DACH2: variants seen among roughly 807,000 people sequenced by gnomAD.
The protein encoded by DACH2 is dachshund family transcription factor 2.
DACH2 carries 17 observed loss-of-function variants against 35.8 expected under a neutral mutation model. The ratio of observed to expected loss-of-function variants is 0.48; its 90% CI spans 0.33 to 0.71. The LOEUF (loss-of-function observed/expected upper bound fraction) is 0.71. Ranked by LOEUF, DACH2 falls within the 30% of genes least tolerant of loss-of-function variation. The pLI, the probability that DACH2 is intolerant of heterozygous loss-of-function variation, is 0.02. For missense variants in DACH2, 469 were observed against 472.7 expected, an observed-to-expected ratio of 0.99 and a Z score of 0.07; for synonymous variants, 195 against 177.3, an observed-to-expected ratio of 1.10 and a Z score of -0.79.
At chrX:86,624,065 A>AC (rs2040103906) in intron 3 of DACH2, among the ~76,000 whole-genome samples, 1 of 104,518 alleles carries the variant, frequency 9.6e-6, no homozygotes, top group Non-Finnish European at 2.0e-5. Flanking sequence ...CAAAACAAAA[A>AC]AAAAAAAAAA....
chrX:86,660,544 G>A (rs756493353), intron 4 of DACH2, among the ~76,000 whole-genome samples: 1 of 111,794 alleles, frequency 8.9e-6, no homozygotes, highest in South Asian at 3.7e-4. Context: ...GGATACTATT[G>A]TCATATCTAT....
chrX:86,523,688 T>C (rs1197801836), intron 3 of DACH2, among the ~76,000 whole-genome samples: 1 of 110,136 alleles, frequency 9.1e-6, no homozygotes, highest in African/African-American at 3.3e-5. Context: ...TTTCATGTGC[T>C]GATCCTGTCT....
At chrX:86,519,411 G>T (rs1409547434) in intron 3 of DACH2, among the ~76,000 whole-genome samples, 2 of 111,931 alleles carry the variant, frequency 1.8e-5, no homozygotes, top group Non-Finnish European at 3.8e-5. Context: ...TGGCCTCATA[G>T]AATGAGTTAG....
chrX:86,621,739 C>A (rs6623738), intron 3 of DACH2, among the ~76,000 whole-genome samples: 49,434 of 109,882 alleles, frequency 0.45, 9,174 homozygotes, highest in East Asian at 0.77. Flanking sequence ...CAAATAAGAT[C>A]ATGTATTTGA....
At chrX:86,598,950 C>A (rs2039749032) in intron 3 of DACH2, among the ~76,000 whole-genome samples, 1 of 110,162 alleles carries the variant, frequency 9.1e-6, no homozygotes, top group South Asian at 3.9e-4. Flanking sequence ...CTATCCCTCG[C>A]CCCTCCCGCC....
At chrX:86,803,499 G>A (rs2042314175) in intron 7 of DACH2, among the ~76,000 whole-genome samples, 1 of 110,688 alleles carries the variant, frequency 9.0e-6, no homozygotes, top group African/African-American at 3.3e-5. Context: ...CCACATATTT[G>A]TAAATAAATA....
intron 2 of DACH2, among the ~76,000 whole-genome samples, chrX:86,512,247 A>G (rs766095545): frequency 9.0e-6 from 1 of 111,039 alleles, no homozygotes; most frequent in African/African-American, 3.3e-5. Flanking sequence ...CCTGGATTTT[A>G]TAACATGGGG....
intron 3 of DACH2, among the ~76,000 whole-genome samples, chrX:86,648,909 G>T (rs1356306403): frequency 5.4e-5 from 6 of 110,828 alleles, no homozygotes; most frequent in Admixed American, 9.6e-5. Context: ...AACAAAAAAT[G>T]CATGACCATA....
At chrX:86,295,154 GTAT>G (rs897839849) in intron 1 of DACH2, among the ~76,000 whole-genome samples, 5 of 112,778 alleles carry the variant, frequency 4.4e-5, no homozygotes, top group African/African-American at 1.6e-4. Flanking sequence ...GAAAAGCACA[GTAT>G]TCGGGTGGGA....
chrX:86,586,241 C>T (rs1315779838), intron 3 of DACH2, among the ~76,000 whole-genome samples: 1 of 111,395 alleles, frequency 9.0e-6, no homozygotes, highest in African/African-American at 3.3e-5. Context: ...ATTTCCTTTG[C>T]CCACTTTTTA....
intron 3 of DACH2, among the ~76,000 whole-genome samples, chrX:86,537,702 C>T (rs2038823028): frequency 9.0e-6 from 1 of 111,264 alleles, no homozygotes. Flanking sequence ...GTTCATTGCT[C>T]TTAAATTTAC....
At chrX:86,294,528 C>T (rs754595269) in intron 1 of DACH2, among the ~76,000 whole-genome samples, 142 of 110,598 alleles carry the variant, frequency 1.3e-3, no homozygotes, top group African/African-American at 4.5e-3. Flanking sequence ...AGTTTTTCTG[C>T]TCTGTTTTTT....
intron 1 of DACH2, among the ~76,000 whole-genome samples, chrX:86,237,167 T>TG (rs1161930747): frequency 8.9e-6 from 1 of 111,947 alleles, no homozygotes; most frequent in African/African-American, 3.2e-5. Context: ...AAAGTTCTTC[T>TG]GGCGCAATAA....
Position 86,720,136 on chromosome X carries a change from A to T in DACH2, c.1104+5416A>T, listed in dbSNP as rs759043978. On this transcript the variant is annotated intron_variant, in intron 6 of 11. Coordinates refer to ENST00000373125, the MANE Select transcript of DACH2 (RefSeq NM_053281.3). ...GTATTTTTAGTAGAGACGGGGTTTC[A>T]CTGTGTTAGCCAGGATTGTCTTGAT... Among the ~76,000 whole-genome samples the T allele has an allele frequency of 3.6e-3, 391 of 107,126 alleles. 2 individuals are homozygous for T. Among genetic ancestry groups the T allele is most frequent in the Non-Finnish European group, 4.4e-3 (231 of 51,948 alleles). 93.0% of individuals were successfully genotyped at this position (107,126 alleles called of 115,157 possible).
At chrX:86,637,018 A>T (rs2040275636) in intron 3 of DACH2, among the ~76,000 whole-genome samples, 1 of 104,687 alleles carries the variant, frequency 9.6e-6, no homozygotes, top group African/African-American at 3.5e-5. Context: ...TACAAAAAAA[A>T]AAAAAAAACT....
chrX:86,707,368 G>A (rs2041227413), intron 5 of DACH2, among the ~76,000 whole-genome samples: 1 of 111,509 alleles, frequency 9.0e-6, no homozygotes, highest in African/African-American at 3.3e-5. Context: ...AAAGCACCAT[G>A]TTCAAATGGG....
chrX:86,618,857 G>A (rs912401211), intron 3 of DACH2, among the ~76,000 whole-genome samples: 5 of 111,715 alleles, frequency 4.5e-5, no homozygotes, highest in Admixed American at 3.8e-4. Context: ...ATTTGGGGAA[G>A]GAAGAAGAAT....
At position 86,423,028 on chromosome X, in the gene DACH2, G is replaced by A. The variant is rs140172355; in HGVS notation, c.527+46166G>A. 3.9e-3 allele frequency among the ~76,000 whole-genome samples: 433 copies of A among 111,470 alleles called. 2 individuals carry two copies. The highest frequency in any genetic ancestry group is 0.014 in the African/African-American group (421 of 30,870). On this transcript the variant is annotated intron_variant, in intron 2 of 11. Coordinates refer to ENST00000373125, the MANE Select transcript of DACH2 (RefSeq NM_053281.3). ...ATTCTTTTTATGGCTGAAAAGTACT[G>A]CATTGTGCATATGTACCACATTTTC...
At chrX:86,534,703 T>C (rs2038771945) in intron 3 of DACH2, among the ~76,000 whole-genome samples, 1 of 111,614 alleles carries the variant, frequency 9.0e-6, no homozygotes, top group Admixed American at 9.5e-5. Flanking sequence ...TTCTCTTTTT[T>C]AATTGTTTAT....
Sources: gnomAD v4.1 joint callset for allele counts (sites outside exome capture counted in the v4.1 genomes callset) on GRCh38, gnomAD v4.1.1 for gene constraint, MANE v1.5 for transcripts, NCBI Gene and HGNC (gene_info 2026-07-23, HGNC 2026-07-21) for gene names.